SPAG17: variants seen among roughly 807,000 people sequenced by gnomAD.
SPAG17 encodes sperm-associated antigen 17.
SPAG17 carries 169 observed loss-of-function variants against 273.6 expected under a neutral mutation model. That is an observed-to-expected ratio of 0.62 (90% confidence interval 0.55 to 0.70). SPAG17 has a LOEUF of 0.70. SPAG17 is among the 30% of genes least tolerant of loss of function. SPAG17 has a pLI of 0.00. For missense variants in SPAG17, 2,557 were observed against 2,627.8 expected, an observed-to-expected ratio of 0.97 and a Z score of 0.59; for synonymous variants, 825 against 873.2, an observed-to-expected ratio of 0.94 and a Z score of 0.97.
chr1:118,084,310 T>A (rs1273326420), intron 13 of SPAG17, among the ~76,000 whole-genome samples: 2 of 152,182 alleles, frequency 1.3e-5, no homozygotes, highest in African/African-American at 2.4e-5. Flanking sequence ...GATAAAAATA[T>A]TTTTTAGTTC....
intron 7 of SPAG17, among the ~76,000 whole-genome samples, chr1:118,095,818 G>A (rs1368379687): frequency 6.6e-6 from 1 of 152,116 alleles, no homozygotes; most frequent in African/African-American, 2.4e-5. Context: ...ACTGACCCAA[G>A]GCAACATGAA....
intron 22 of SPAG17, 50 bp from the exon 23 acceptor site, chr1:118,039,494 A>C (rs1295727067): frequency 6.4e-7 from 1 of 1,574,614 alleles, no homozygotes; most frequent in East Asian, 2.2e-5. Context: ...ATGCCACATT[A>C]AGCTCCTCGA....
At position 118,069,413 on chromosome 1, in the gene SPAG17, T is replaced by C. The variant is rs116539296; in HGVS notation, c.2386-2514A>G. On this transcript the variant is annotated intron_variant, in intron 17 of 48. Transcript: ENST00000336338. ...GAAGATATATTTGGAGGTATACCCC[T>C]TAAACACTGATGATGGATTAGGTAT... 3.7e-3 allele frequency among the ~76,000 whole-genome samples: 554 copies of C among 150,904 alleles called. 3 individuals carry two copies. The highest frequency in any genetic ancestry group is 0.013 in the African/African-American group (527 of 41,148).
At chr1:118,008,533 T>C (rs1426370350) in intron 30 of SPAG17, among the ~76,000 whole-genome samples, 3 of 152,208 alleles carry the variant, frequency 2.0e-5, no homozygotes, top group Non-Finnish European at 4.4e-5. Context: ...TATTCATCAA[T>C]TAAAATTTAT....
At chr1:118,065,812 A>C (rs1353228114) in intron 18 of SPAG17, among the ~76,000 whole-genome samples, 1 of 152,152 alleles carries the variant, frequency 6.6e-6, no homozygotes, top group Non-Finnish European at 1.5e-5. Context: ...AGGAATATTT[A>C]CATAAATCCT....
rs781189261 is a variant in SPAG17 at position 118,142,622 on chromosome 1, T to C, written c.315+7921A>G. On this transcript the variant is annotated intron_variant, in intron 3 of 48. Coordinates refer to ENST00000336338, the MANE Select transcript of SPAG17 (RefSeq NM_206996.4). ...TAAACTTTATGGACACTTAAGTCTG[T>C]GCCAGGTAATAAGTATTTTATATTT... Among the ~76,000 whole-genome samples the C allele has an allele frequency of 1.5e-4, 23 of 152,182 alleles. 1 individual carries two copies. Among genetic ancestry groups the C allele is most frequent in the East Asian group, 1.9e-4 (1 of 5,200 alleles).
chr1:118,005,582 G>A lies in SPAG17; in HGVS notation c.4608C>T (p.Gly1536=), dbSNP rs778896846. 6 of 1,536,958 alleles carry A rather than the reference G, an allele frequency of 3.9e-6. No individual in the cohort carries two copies. The highest frequency in any genetic ancestry group is 2.4e-5 in the East Asian group (1 of 42,206). ...GTYQVLPPNT[G]SLYIDKDCSA... ...AACAATCCTTGTCAATATAAAGAGAGCCTGTGTTTGGAGGTAACACCTGAA... is the reference window on the plus strand; with the variant it reads ...AACAATCCTTGTCAATATAAAGAGAACCTGTGTTTGGAGGTAACACCTGAA... Residue 1536 remains glycine (G), a synonymous_variant, in exon 32 of 49, where the codon GGC becomes GGT. Transcript: ENST00000336338.
chr1:118,039,278 A>G lies in SPAG17; in HGVS notation c.3319+14T>C, dbSNP rs771414739. Reference sequence around the variant, plus strand: ...TATTAGTCAGAAGAAAGAAACCACTAAACAGCAGCTTACCCGTTTCAAGAC... The same window carrying G: ...TATTAGTCAGAAGAAAGAAACCACTGAACAGCAGCTTACCCGTTTCAAGAC... On this transcript the variant is annotated intron_variant, in intron 23 of 48. Coordinates refer to ENST00000336338, the MANE Select transcript of SPAG17 (RefSeq NM_206996.4). The G allele has an allele frequency of 7.4e-6, 12 of 1,610,978 alleles. No homozygotes were observed. The highest frequency in any genetic ancestry group is 4.0e-5 in the African/African-American group (3 of 74,716).
chr1:118,045,539 G>C (rs1650258016), intron 20 of SPAG17, among the ~76,000 whole-genome samples: 2 of 152,288 alleles, frequency 1.3e-5, no homozygotes, highest in East Asian at 1.9e-4. Context: ...TTATCTGGCT[G>C]TTCATTTGTA....
intron 18 of SPAG17, among the ~76,000 whole-genome samples, chr1:118,066,494 C>A (rs1652981662): frequency 6.6e-6 from 1 of 152,152 alleles, no homozygotes; most frequent in Non-Finnish European, 1.5e-5. Flanking sequence ...TTAACAACAT[C>A]CTCACTAGAT....
chr1:117,956,893 T>A (rs1652277611), intron 48 of SPAG17, among the ~76,000 whole-genome samples: 1 of 152,040 alleles, frequency 6.6e-6, no homozygotes, highest in Non-Finnish European at 1.5e-5. Flanking sequence ...GATTAAGATA[T>A]TAAATACAAA....
chr1:118,183,363 C>G (rs1239318236), intron 1 of SPAG17, among the ~76,000 whole-genome samples: 1 of 152,108 alleles, frequency 6.6e-6, no homozygotes, highest in Admixed American at 6.6e-5. Context: ...GGGCACGCCT[C>G]TGGGCATTGA....
Position 118,012,348 on chromosome 1 carries a change from C to A in SPAG17, c.4312G>T (p.Val1438Phe), listed in dbSNP as rs148852232. The change falls in exon 30 of 49, where the codon GTT becomes TTT. Residue 1438 changes from valine (V) to phenylalanine (F), a missense_variant. Coordinates refer to ENST00000336338, the MANE Select transcript of SPAG17 (RefSeq NM_206996.4). ...CCATCTTTCCTTTCAACTATGACAA[C>A]TTTGTCTTCTCGAGTTGTCATAACC... ...GTVMTTREDK[V>F]VIVERKDGTR... 1.2e-6 allele frequency: 2 copies of A among 1,613,356 alleles called. No homozygotes were observed. Among genetic ancestry groups the A allele is most frequent in the African/African-American group, 2.7e-5 (2 of 74,890 alleles).
At chr1:118,039,531 A>C in intron 22 of SPAG17, 87 bp from the exon 23 acceptor site, 1 of 1,356,552 alleles carries the variant, frequency 7.4e-7, no homozygotes, top group Non-Finnish European at 1.0e-6. Flanking sequence ...TGCTGCACAG[A>C]AACAAACACA....
intron 7 of SPAG17, among the ~76,000 whole-genome samples, chr1:118,096,915 G>C (rs2102206958): frequency 6.6e-6 from 1 of 152,242 alleles, no homozygotes; most frequent in East Asian, 1.9e-4. Flanking sequence ...TATTAGGATA[G>C]ACCTTCTTGG....
intron 30 of SPAG17, among the ~76,000 whole-genome samples, chr1:118,008,547 T>G (rs1925831): frequency 0.066 from 9,976 of 152,286 alleles, 529 homozygotes; most frequent in East Asian, 0.31. Flanking sequence ...AATTTATACT[T>G]TTTAATACAT....
intron 15 of SPAG17, among the ~76,000 whole-genome samples, chr1:118,079,041 C>T (rs1189550782): frequency 6.6e-6 from 1 of 151,874 alleles, no homozygotes; most frequent in African/African-American, 2.4e-5. Flanking sequence ...TCAGTTGTAC[C>T]ACTATCCTTG....
intron 29 of SPAG17, among the ~76,000 whole-genome samples, chr1:118,015,012 T>A (rs891422504): frequency 6.6e-6 from 1 of 151,966 alleles, no homozygotes; most frequent in Non-Finnish European, 1.5e-5. Context: ...GGGCCGGGCG[T>A]GGTGGTTCAT....
chr1:118,063,397 A>C (rs1652568254), intron 18 of SPAG17, among the ~76,000 whole-genome samples: 1 of 152,238 alleles, frequency 6.6e-6, no homozygotes, highest in Admixed American at 6.5e-5. Flanking sequence ...ATATAGATCA[A>C]TGGAACAGAA....
Sources: allele counts gnomAD v4.1 joint callset (sites outside exome capture counted in the v4.1 genomes callset), GRCh38; gene constraint gnomAD v4.1.1; transcripts MANE v1.5; gene names NCBI Gene and HGNC (gene_info 2026-07-23, HGNC 2026-07-21).